The following KIF16B variants were observed in gnomAD, a reference collection of about 807,000 sequenced individuals.
KIF16B encodes the protein kinesin-like protein KIF16B.
KIF16B carries 98 observed loss-of-function variants against 156.3 expected under a neutral mutation model. The observed-to-expected ratio is 0.63, with a 90% confidence interval of 0.53 to 0.74. The LOEUF (loss-of-function observed/expected upper bound fraction) is 0.74, where lower values mean the gene tolerates loss of function less well. KIF16B is among the 30% of genes least tolerant of loss of function. The probability of loss-of-function intolerance (pLI) is 0.00; values close to 1 mark genes in which losing one functional copy is unlikely to be tolerated. For synonymous variants in KIF16B, 564 were observed against 583.7 expected (o/e 0.97, Z 0.49); for missense variants, 1,421 against 1,606.5 (o/e 0.88, Z 1.97).
rs550510241 is a variant in KIF16B at position 16,468,575 on chromosome 20, C to CAA, written c.1302+25714_1302+25715dup. On this transcript the variant is annotated intron_variant, in intron 12 of 25. Transcript: ENST00000354981. ...TGGGTGACAGAGCAAGACTCCGTCT[C>CAA]AAAAAAAAAAAAAAAAAAAAAAAAG... 8.9e-3 allele frequency among the ~76,000 whole-genome samples: 312 copies of CAA among 35,210 alleles called. 1 individual carries two copies. The highest frequency in any genetic ancestry group is 0.015 in the African/African-American group (142 of 9,442). The allele number at this position is 35,210 out of a possible 152,430, so 23.1% of individuals were successfully genotyped here.
rs1243041753 is a variant in KIF16B at position 16,497,617 on chromosome 20, G to A, written c.1238C>T (p.Ala413Val). ...SMEEKLQQNEARVQELTKEWT... is the reference protein window; with the variant it reads ...SMEEKLQQNEVRVQELTKEWT... ...ATAAGTCAAAGTATCACTTACTCTTGCTTCATTCTGCTGAAGTTTTTCCTC... is the reference window on the plus strand; with the variant it reads ...ATAAGTCAAAGTATCACTTACTCTTACTTCATTCTGCTGAAGTTTTTCCTC... Residue 413 changes from alanine to valine, a missense_variant, in exon 11 of 26, where the codon GCA (alanine) becomes GTA (valine). Coordinates refer to ENST00000354981, the MANE Select transcript of KIF16B (RefSeq NM_024704.5). 2 of 1,606,896 alleles carry A rather than the reference G, an allele frequency of 1.2e-6. No individual in the cohort carries two copies. Among genetic ancestry groups the A allele is most frequent in the Admixed American group, 3.3e-5 (2 of 59,962 alleles).
chr20:16,451,255 A>G (rs2067073149), intron 12 of KIF16B, among the ~76,000 whole-genome samples: 1 of 152,180 alleles, frequency 6.6e-6, no homozygotes, highest in Admixed American at 6.5e-5. Context: ...GATGGGAGAC[A>G]TTTATAGCAG....
At chr20:16,542,586 C>T (rs991910504) in intron 1 of KIF16B, among the ~76,000 whole-genome samples, 4 of 152,088 alleles carry the variant, frequency 2.6e-5, no homozygotes, top group African/African-American at 7.2e-5. Flanking sequence ...AACACCTGAA[C>T]GGGGCCAGGC....
intron 12 of KIF16B, among the ~76,000 whole-genome samples, chr20:16,480,809 G>GT (rs907059984): frequency 3.0e-4 from 45 of 151,448 alleles, no homozygotes; most frequent in South Asian, 1.0e-3. Flanking sequence ...AATTCAAATA[G>GT]TTTTTTTTTA....
At chr20:16,464,503 A>T (rs2067432774) in intron 12 of KIF16B, among the ~76,000 whole-genome samples, 1 of 152,224 alleles carries the variant, frequency 6.6e-6, no homozygotes, top group African/African-American at 2.4e-5. Flanking sequence ...ATTTTATTTT[A>T]AAATATCAAT....
chr20:16,364,039 CTATT>C (rs1417757449), intron 22 of KIF16B, among the ~76,000 whole-genome samples: 6 of 152,158 alleles, frequency 3.9e-5, no homozygotes, highest in Non-Finnish European at 8.8e-5. Context: ...TGGCTCTAAT[CTATT>C]TATCATACAA....
At position 16,406,358 on chromosome 20, in the gene KIF16B, A is replaced by T; in HGVS notation, c.1695+16T>A. On this transcript the variant is annotated intron_variant, in intron 16 of 25. Coordinates refer to ENST00000354981, the MANE Select transcript of KIF16B (RefSeq NM_024704.5). ...TACGATCAGTGGTTCCCTCCTAGAG[A>T]CGCCGTGTCCCTCACCTTCCTCTTC... The T allele has an allele frequency of 2.5e-6, 4 of 1,610,636 alleles. No individual in the cohort carries two copies. The highest frequency in any genetic ancestry group is 3.4e-6 in the Non-Finnish European group (4 of 1,177,084).
chr20:16,334,881 A>T (rs1020505956), intron 24 of KIF16B, among the ~76,000 whole-genome samples: 3 of 152,180 alleles, frequency 2.0e-5, no homozygotes. Context: ...TTCATAAATT[A>T]CCCAGTCTCT....
At chr20:16,376,770 A>G (rs530030333) in intron 19 of KIF16B, among the ~76,000 whole-genome samples, 133 of 152,336 alleles carry the variant, frequency 8.7e-4, no homozygotes, top group Admixed American at 1.8e-3. Flanking sequence ...ACATCAAGCT[A>G]AAAGCTCATG....
At chr20:16,386,166 T>G (rs892249072) in intron 17 of KIF16B, among the ~76,000 whole-genome samples, 6 of 151,874 alleles carry the variant, frequency 4.0e-5, no homozygotes, top group Non-Finnish European at 7.4e-5. Flanking sequence ...AGGACACACG[T>G]GTAGAAGGAG....
rs1280232786 is a variant in KIF16B, at chr20:16,502,443, TA to T, written c.1176+1928del. 2.0e-5 allele frequency among the ~76,000 whole-genome samples: 3 copies of T among 152,338 alleles called. No homozygotes were observed. The East Asian group carries it at 5.8e-4, about 29-fold the overall frequency. On this transcript the variant is annotated intron_variant, in intron 10 of 25. Coordinates refer to ENST00000354981, the MANE Select transcript of KIF16B (RefSeq NM_024704.5). ...AGCTTCATAGCACGATAAATTATTTTAAATTGGATTCACATTTTTATTGTAA... is the reference window on the plus strand; with the variant it reads ...AGCTTCATAGCACGATAAATTATTTTAATTGGATTCACATTTTTATTGTAA...
chr20:16,492,189 T>G (rs2068315710), intron 12 of KIF16B, among the ~76,000 whole-genome samples: 1 of 152,186 alleles, frequency 6.6e-6, no homozygotes, highest in Non-Finnish European at 1.5e-5. Flanking sequence ...TGTAAAACGC[T>G]AACAGCAGAA....
chr20:16,283,359 G>A (rs1265041957), intron 25 of KIF16B, among the ~76,000 whole-genome samples: 2 of 152,132 alleles, frequency 1.3e-5, no homozygotes, highest in Non-Finnish European at 2.9e-5. Context: ...TCTTTGCACA[G>A]AGCCTGGCAA....
chr20:16,354,712 A>G (rs537841002), intron 23 of KIF16B, among the ~76,000 whole-genome samples: 1 of 152,308 alleles, frequency 6.6e-6, no homozygotes, highest in African/African-American at 2.4e-5. Flanking sequence ...TTGGGAGGCC[A>G]AGGCAGGTGG....
chr20:16,382,059 C>G (rs895225706), intron 17 of KIF16B: 7 of 1,273,840 alleles, frequency 5.5e-6, no homozygotes, highest in Non-Finnish European at 7.4e-6. Flanking sequence ...CTCCATGCAG[C>G]TTAGCACTGA....
chr20:16,343,505 T>C (rs2064177577), intron 23 of KIF16B, among the ~76,000 whole-genome samples: 1 of 152,200 alleles, frequency 6.6e-6, no homozygotes, highest in Admixed American at 6.5e-5. Flanking sequence ...GGGAGCTACC[T>C]CAAGCATATT....
rs116972863 is a variant in KIF16B, at chr20:16,447,860, A to G, written c.1303-17878T>C. ...GTGGTAGGCACCTGTTGTCACAGCTACTCAGGAGGCTGAGGTGAGAGGATC... is the reference window on the plus strand; with the variant it reads ...GTGGTAGGCACCTGTTGTCACAGCTGCTCAGGAGGCTGAGGTGAGAGGATC... On this transcript the variant is annotated intron_variant, in intron 12 of 25. Transcript: ENST00000354981. 1.3e-3 allele frequency among the ~76,000 whole-genome samples: 194 copies of G among 152,240 alleles called. 2 individuals are homozygous for G. In the East Asian group the frequency reaches 0.025, roughly 19 times the overall value.
chr20:16,383,609 G>C (rs1294091913), intron 17 of KIF16B, among the ~76,000 whole-genome samples: 7 of 152,138 alleles, frequency 4.6e-5, no homozygotes, highest in African/African-American at 1.7e-4. Context: ...ATTAAAATAT[G>C]ATCATTTCTT....
At chr20:16,396,738 T>G (rs556459987) in intron 17 of KIF16B, among the ~76,000 whole-genome samples, 2 of 151,620 alleles carry the variant, frequency 1.3e-5, no homozygotes, top group East Asian at 2.0e-4. Context: ...CTCATTCGTC[T>G]TCTTCCCCGA....
Sources: gnomAD v4.1 joint callset for allele counts (sites outside exome capture counted in the v4.1 genomes callset) on GRCh38, gnomAD v4.1.1 for gene constraint, MANE v1.5 for transcripts, NCBI Gene and HGNC (gene_info 2026-07-23, HGNC 2026-07-21) for gene names.